ZNF511: variants seen among roughly 807,000 people sequenced by gnomAD.
The protein encoded by ZNF511 is zinc finger protein 511.
In ZNF511, 26 loss-of-function variants were observed where a neutral mutation model predicts 24.8. The observed-to-expected ratio is 1.05, with a 90% CI of 0.77 to 1.46. ZNF511 has a LOEUF of 1.46. Ranked by LOEUF, ZNF511 falls within the 40% of genes most tolerant of loss-of-function variation. The probability of loss-of-function intolerance (pLI) is 0.00; values close to 1 mark genes in which losing one functional copy is unlikely to be tolerated. For missense variants in ZNF511, 358 were observed against 345.0 expected, an observed-to-expected ratio of 1.04 and a Z score of -0.30; for synonymous variants, 144 against 139.6, an observed-to-expected ratio of 1.03 and a Z score of -0.22.
Position 133,309,761 on chromosome 10 carries a change from A to C in ZNF511, c.228-15A>C. 6.2e-7 allele frequency: 1 copy of C among 1,612,218 alleles called. No individual in the cohort carries two copies. Among genetic ancestry groups the C allele is most frequent in the Non-Finnish European group, 8.5e-7 (1 of 1,180,006 alleles). ...GCACCGGAGGAAGGGCTCCTGAAGC[A>C]CGTCTCCTTGGCAGGGTGCCCGCGT... On this transcript the variant is annotated splice_polypyrimidine_tract_variant and intron_variant, in intron 2 of 5. Coordinates refer to ENST00000361518, the MANE Select transcript of ZNF511 (RefSeq NM_145806.4).
intron 5 of ZNF511, chr10:133,312,496 A>G (rs1324063544): frequency 5.9e-5 from 77 of 1,295,670 alleles, no homozygotes; most frequent in Non-Finnish European, 7.0e-5. Flanking sequence ...AGGGGTTTTC[A>G]TGGAATGGAC....
chr10:133,310,043 C>T, intron 3 of ZNF511, 66 bp downstream of exon 3: 1 of 1,609,204 alleles, frequency 6.2e-7, no homozygotes, highest in Non-Finnish European at 8.5e-7. Context: ...GTGCTGCCCC[C>T]AGCTCTCGGG....
intron 5 of ZNF511, chr10:133,312,282 G>A (rs1848010435): frequency 1.6e-6 from 2 of 1,260,304 alleles, no homozygotes; most frequent in African/African-American, 3.1e-5. Context: ...GACCTGTACT[G>A]TCTGCCTTTC....
Position 133,308,985 on chromosome 10 carries a change from G to C in ZNF511, c.42G>C (p.Gly14=), listed in dbSNP as rs1589841431. 9.6e-6 allele frequency: 12 copies of C among 1,246,290 alleles called. No homozygotes were observed. The East Asian group carries it at 3.8e-4, about 40-fold the overall frequency. 77.2% of individuals were successfully genotyped at this position (1,246,290 alleles called of 1,614,324 possible). The change falls in exon 1 of 6, where the codon GGG becomes GGC. Residue 14 remains glycine, a synonymous_variant. Coordinates refer to ENST00000361518, the MANE Select transcript of ZNF511 (RefSeq NM_145806.4). ...PPALCARLAA[G]PGAAEPLPVE... ...CGCTGTGCGCCCGCCTCGCTGCGGG[G>C]CCCGGGGCGGCGGAGCCGCTGCCTG... is the stretch of plus-strand genomic sequence containing the variant.
chr10:133,311,487 C>T (rs1174623902), intron 4 of ZNF511: 1 of 478,724 alleles, frequency 2.1e-6, no homozygotes, highest in Non-Finnish European at 3.7e-6. Context: ...ATGATTGTTA[C>T]AGTTAAGTTT....
Position 133,313,114 on chromosome 10 carries a change from A to G in ZNF511, c.*248A>G, listed in dbSNP as rs1054266178. Reference sequence around the variant, plus strand: ...CGGCCTGTCTCCTCCTGCAGGGCCCACCCTAAGAATGTATTTTTAAACACA... The same window carrying G: ...CGGCCTGTCTCCTCCTGCAGGGCCCGCCCTAAGAATGTATTTTTAAACACA... On this transcript the variant is annotated 3_prime_UTR_variant, in exon 6 of 6. Transcript: ENST00000361518. 1 of 846,268 alleles carries G rather than the reference A, an allele frequency of 1.2e-6. No homozygotes were observed. Among genetic ancestry groups the G allele is most frequent in the African/African-American group, 1.7e-5 (1 of 58,208 alleles). 52.4% of individuals were successfully genotyped at this position (846,268 alleles called of 1,614,324 possible). A position where few individuals can be genotyped will look rare whatever the true frequency, so the allele number is the denominator to read the frequency against.
At chr10:133,312,648 C>T (rs569176308) in intron 5 of ZNF511, 140 bp from the exon 6 acceptor site, 1 of 1,537,680 alleles carries the variant, frequency 6.5e-7, no homozygotes, top group South Asian at 1.3e-5. Flanking sequence ...GGGAGCTGCC[C>T]CAGGGCCCAG....
chr10:133,309,407 C>T lies in ZNF511; in HGVS notation c.171C>T (p.Arg57=). The T allele has an allele frequency of 6.2e-7, 1 of 1,612,112 alleles. No individual in the cohort carries two copies. Among genetic ancestry groups the T allele is most frequent in the Admixed American group, 1.7e-5 (1 of 59,980 alleles). The change falls in exon 2 of 6, where the codon CGC becomes CGT. Residue 57 remains arginine (R), a synonymous_variant. Coordinates refer to ENST00000361518, the MANE Select transcript of ZNF511 (RefSeq NM_145806.4). ...TCCTGCAGGATGGGGACGTGCAGCG[C>T]CACCTCTACCTCCAGGACGTGATCA... The part of the protein sequence containing the change: ...HQFFEDGDVQ[R]HLYLQDVIMQ...
chr10:133,309,749 G>T (rs757270252), intron 2 of ZNF511, 27 bp from the exon 3 acceptor site: 3 of 1,611,486 alleles, frequency 1.9e-6, no homozygotes, highest in Admixed American at 3.3e-5. Flanking sequence ...CCGGAGGAAG[G>T]GCTCCTGAAG....
At chr10:133,312,073 C>G in intron 5 of ZNF511, 5 of 1,464,260 alleles carry the variant, frequency 3.4e-6, no homozygotes, top group Admixed American at 2.4e-5. Flanking sequence ...ATGCCAAGCA[C>G]CACTCACTTT....
At chr10:133,310,373 C>A in intron 4 of ZNF511, 85 bp downstream of exon 4, 3 of 1,550,352 alleles carry the variant, frequency 1.9e-6, no homozygotes, top group Non-Finnish European at 2.6e-6. Flanking sequence ...GACGGTCAGA[C>A]TTATTAAGCA....
At position 133,312,586 on chromosome 10, in the gene ZNF511, G is replaced by C. The variant is rs572645749; in HGVS notation, c.681-202G>C. 2.1e-6 allele frequency: 3 copies of C among 1,463,278 alleles called. No homozygotes were observed. In the East Asian group the frequency reaches 7.2e-5, roughly 35 times the overall value. The allele number at this position is 1,463,278 out of a possible 1,614,324, so 90.6% of individuals were successfully genotyped here. A position where few individuals can be genotyped will look rare whatever the true frequency, so the allele number is the denominator to read the frequency against. On this transcript the variant is annotated intron_variant, in intron 5 of 5. Coordinates refer to ENST00000361518, the MANE Select transcript of ZNF511 (RefSeq NM_145806.4). ...GCGGAGTTCTTCCCAGCGGGTGTGCGTTGGTGGCTGGCGGGGACCCCCCAC... is the reference window on the plus strand; with the variant it reads ...GCGGAGTTCTTCCCAGCGGGTGTGCCTTGGTGGCTGGCGGGGACCCCCCAC...
In ZNF511 at chr10:133,312,883, G is replaced by A; in HGVS notation, c.*17G>A. 1.1e-5 allele frequency: 18 copies of A among 1,614,042 alleles called. No individual in the cohort carries two copies. The highest frequency in any genetic ancestry group is 1.5e-5 in the Non-Finnish European group (18 of 1,180,016). ...CAATGCTGATAGACTCAGAAAAGGA[G>A]TGGGGGGCAGTCACCACTGCTGGGC... On this transcript the variant is annotated 3_prime_UTR_variant, in exon 6 of 6. Coordinates refer to ENST00000361518, the MANE Select transcript of ZNF511 (RefSeq NM_145806.4).
chr10:133,310,676 G>GGTCATCCGCA, intron 4 of ZNF511: 1 of 250,000 alleles, frequency 4.0e-6, no homozygotes, highest in East Asian at 1.1e-4. Flanking sequence ...CGTCGGCCGT[G>GGTCATCCGCA]CTCACACATC....
chr10:133,312,754 T>TA (rs1848019402), intron 5 of ZNF511, 34 bp from the exon 6 acceptor site: 1 of 1,613,936 alleles, frequency 6.2e-7, no homozygotes, highest in Admixed American at 1.7e-5. Context: ...GGTTGGCAAA[T>TA]ACAGCATCTA....
chr10:133,309,314 CGGGTGTGGGCGAGGCCTGACGCGGT>C, intron 1 of ZNF511, 51 bp from the exon 2 acceptor site: 1 of 1,525,342 alleles, frequency 6.6e-7, no homozygotes, highest in Non-Finnish European at 8.9e-7. Flanking sequence ...ACTGGGGCCA[CGGGTGTGGGCGAGGCCTGACGCGGT>C]GGGCGTGCCG....
chr10:133,312,142 C>G (rs772888835), intron 5 of ZNF511: 4 of 1,418,850 alleles, frequency 2.8e-6, no homozygotes, highest in Non-Finnish European at 3.7e-6. Context: ...AGTCACAACC[C>G]AGGCGTCTGC....
Position 133,312,842 on chromosome 10 carries a change from CAAG to C in ZNF511, c.741_743del (p.Lys248del). Reference sequence around the variant, plus strand: ...GTGCCGCTCGAGGATTTAAAAGCAACAAGAAGAAAACCAAACAATGCTGATAGA... The same window carrying C: ...GTGCCGCTCGAGGATTTAAAAGCAACAAGAAAACCAAACAATGCTGATAGA... On this transcript the variant is annotated inframe_deletion, in exon 6 of 6. Coordinates refer to ENST00000361518, the MANE Select transcript of ZNF511 (RefSeq NM_145806.4). 6.2e-7 allele frequency: 1 copy of C among 1,614,178 alleles called. No individual in the cohort carries two copies. Among genetic ancestry groups the C allele is most frequent in the Non-Finnish European group, 8.5e-7 (1 of 1,180,030 alleles).
At chr10:133,312,188 C>T (rs1215976680) in intron 5 of ZNF511, 28 of 1,409,890 alleles carry the variant, frequency 2.0e-5, no homozygotes, top group Admixed American at 3.0e-5. Context: ...GCGTTTCTAG[C>T]GTCACCTGTG....
Sources: gnomAD v4.1 joint callset for allele counts on GRCh38, gnomAD v4.1.1 for gene constraint, MANE v1.5 for transcripts, NCBI Gene and HGNC (gene_info 2026-07-23, HGNC 2026-07-21) for gene names.